Variants in C12orf42 observed in about 807,000 individuals in gnomAD.
C12orf42 encodes chromosome 12 open reading frame 42.
C12orf42 carries 25 observed loss-of-function variants against 21.6 expected under a neutral mutation model. The observed-to-expected ratio is 1.16, with a 90% CI of 0.84 to 1.62. C12orf42 has a LOEUF of 1.62. C12orf42 is among the 40% of genes most tolerant of loss of function. The pLI, the probability that C12orf42 is intolerant of heterozygous loss-of-function variation, is 0.00. For synonymous variants in C12orf42, 174 were observed against 175.0 expected (o/e 0.99, Z 0.05); for missense variants, 483 against 459.3 (o/e 1.05, Z -0.47).
chr12:103,314,732 C>T (rs1343628373), intron 4 of C12orf42, among the ~76,000 whole-genome samples: 1 of 152,142 alleles, frequency 6.6e-6, no homozygotes, highest in African/African-American at 2.4e-5. Flanking sequence ...CTTGTTCTAG[C>T]CGAGGGAAGG....
chr12:103,299,229 C>T (rs796131114), downstream of C12orf42, among the ~76,000 whole-genome samples: 2 of 152,010 alleles, frequency 1.3e-5, no homozygotes, highest in African/African-American at 4.8e-5. Flanking sequence ...GATGAAGCTT[C>T]CTTATCTATG....
chr12:103,478,157 AT>A, intron 2 of C12orf42, 191 bp downstream of exon 2: 1 of 506,390 alleles, frequency 2.0e-6, no homozygotes, highest in African/African-American at 2.0e-5. Flanking sequence ...TGGGAAAAAA[AT>A]AATTTATGAA....
chr12:103,540,734 C>T, the C12orf42 span, among the ~76,000 whole-genome samples: 1 of 152,146 alleles, frequency 6.6e-6, no homozygotes, highest in African/African-American at 2.4e-5. Flanking sequence ...CCCAGTCTGA[C>T]AGTCTTTATA....
At chr12:103,391,837 G>A (rs2047107253) in intron 3 of C12orf42, among the ~76,000 whole-genome samples, 1 of 151,828 alleles carries the variant, frequency 6.6e-6, no homozygotes, top group African/African-American at 2.4e-5. Flanking sequence ...TTTTGATGAG[G>A]TCCAATTTAT....
At chr12:103,378,168 A>G (rs1257027695) in intron 3 of C12orf42, among the ~76,000 whole-genome samples, 2 of 152,102 alleles carry the variant, frequency 1.3e-5, no homozygotes, top group African/African-American at 2.4e-5. Context: ...CATGCAACCT[A>G]TTTGCAGCAT....
intron 2 of C12orf42, among the ~76,000 whole-genome samples, chr12:103,464,416 GTT>G (rs199780501): frequency 2.0e-5 from 3 of 147,790 alleles, no homozygotes; most frequent in African/African-American, 7.4e-5. Context: ...TTTTAATGGG[GTT>G]TTTTTTTTTC....
intron 10 of C12orf42, among the ~76,000 whole-genome samples, chr12:103,240,278 T>C (rs1343736014): frequency 6.6e-6 from 1 of 152,184 alleles, no homozygotes; most frequent in Non-Finnish European, 1.5e-5. Flanking sequence ...TCAAGCGACC[T>C]AAACAGATGC....
chr12:103,244,302 TAA>T (rs2033906724), intron 10 of C12orf42, among the ~76,000 whole-genome samples: 1 of 152,048 alleles, frequency 6.6e-6, no homozygotes, highest in Non-Finnish European at 1.5e-5. Context: ...AGACAAGGGT[TAA>T]CTGCTCCAAA....
At chr12:103,100,867 T>C in the C12orf42 span, among the ~76,000 whole-genome samples, 2 of 152,210 alleles carry the variant, frequency 1.3e-5, no homozygotes, top group East Asian at 3.9e-4. Flanking sequence ...AAAAAAAAGA[T>C]ATATAAGGCA....
chr12:103,323,782 G>C (rs2040414206), intron 4 of C12orf42, among the ~76,000 whole-genome samples: 1 of 152,092 alleles, frequency 6.6e-6, no homozygotes, highest in African/African-American at 2.4e-5. Flanking sequence ...AAAAAAGAAA[G>C]CTAGTATCCA....
At chr12:103,224,024 G>A in the C12orf42 span, among the ~76,000 whole-genome samples, 1 of 152,154 alleles carries the variant, frequency 6.6e-6, no homozygotes, top group Non-Finnish European at 1.5e-5. Flanking sequence ...TTATCAGACT[G>A]TATTGAGGTG....
At chr12:103,196,747 A>C in the C12orf42 span, among the ~76,000 whole-genome samples, 1 of 150,538 alleles carries the variant, frequency 6.6e-6, no homozygotes, top group African/African-American at 2.4e-5. Context: ...AGCGACCTCT[A>C]CTCTTGTCTT....
At chr12:103,451,379 C>CCTGCCCAG (rs1565850705) in intron 2 of C12orf42, among the ~76,000 whole-genome samples, 3 of 151,718 alleles carry the variant, frequency 2.0e-5, no homozygotes, top group Non-Finnish European at 2.9e-5. Flanking sequence ...AGTGTGCCCA[C>CCTGCCCAG]CTATTTTTTA....
chr12:103,384,060 G>A (rs2046399797), intron 3 of C12orf42, among the ~76,000 whole-genome samples: 1 of 152,138 alleles, frequency 6.6e-6, no homozygotes, highest in Non-Finnish European at 1.5e-5. Flanking sequence ...GTTTTGAATG[G>A]TATTCATAGC....
chr12:103,558,523 C>T, the C12orf42 span: 1 of 152,286 alleles, frequency 6.6e-6, no homozygotes, highest in Admixed American at 6.5e-5. Context: ...TCTCAGATCT[C>T]CTTTGCAAAA....
chr12:103,231,538 A>C, the C12orf42 span, among the ~76,000 whole-genome samples: 1 of 152,200 alleles, frequency 6.6e-6, no homozygotes, highest in Non-Finnish European at 1.5e-5. Flanking sequence ...TTTCCAGAAT[A>C]TCGTATAGTT....
intron 2 of C12orf42, among the ~76,000 whole-genome samples, chr12:103,445,892 A>G (rs762195399): frequency 1.3e-5 from 2 of 151,838 alleles, no homozygotes; most frequent in Non-Finnish European, 2.9e-5. Flanking sequence ...TTTTTATTTA[A>G]GTCTCTTATT....
chr12:103,540,439 C>T, the C12orf42 span, among the ~76,000 whole-genome samples: 2 of 152,088 alleles, frequency 1.3e-5, no homozygotes, highest in Non-Finnish European at 2.9e-5. Flanking sequence ...TCATTTTCTC[C>T]TTGTAGTTAC....
At chr12:103,212,474 T>G in the C12orf42 span, among the ~76,000 whole-genome samples, 1 of 152,202 alleles carries the variant, frequency 6.6e-6, no homozygotes, top group Admixed American at 6.5e-5. Context: ...TCTGGTGGTG[T>G]TGAATGTGTT....
Sources: gnomAD v4.1 joint callset for allele counts (sites outside exome capture counted in the v4.1 genomes callset) on GRCh38, gnomAD v4.1.1 for gene constraint, MANE v1.5 for transcripts, NCBI Gene and HGNC (gene_info 2026-07-23, HGNC 2026-07-21) for gene names.